UBE3A: variants seen among roughly 807,000 people sequenced by gnomAD.
The protein encoded by UBE3A is ubiquitin-protein ligase E3A.
UBE3A carries 6 observed loss-of-function variants against 83.4 expected under a neutral mutation model. That is an observed-to-expected ratio of 0.07 (90% CI 0.04 to 0.14). UBE3A has a LOEUF of 0.14. UBE3A is among the 10% of genes least tolerant of loss of function. The pLI, the probability that UBE3A is intolerant of heterozygous loss-of-function variation, is 1.00. For synonymous variants in UBE3A, 337 were observed against 355.4 expected, an observed-to-expected ratio of 0.95 and a Z score of 0.58; for missense variants, 456 against 1,036.1, an observed-to-expected ratio of 0.44 and a Z score of 7.69.
intron 4 of UBE3A, among the ~76,000 whole-genome samples, chr15:25,401,037 T>C (rs1440455521): frequency 6.6e-6 from 1 of 152,190 alleles, no homozygotes; most frequent in East Asian, 1.9e-4. Flanking sequence ...AAATGCTTTT[T>C]CTCAATTATC....
chr15:25,379,017 C>G (rs2081703353), intron 4 of UBE3A, among the ~76,000 whole-genome samples: 1 of 152,176 alleles, frequency 6.6e-6, no homozygotes, highest in Non-Finnish European at 1.5e-5. Flanking sequence ...TGCCCAAGTT[C>G]ACATAATGGC....
intron 1 of UBE3A, among the ~76,000 whole-genome samples, chr15:25,417,078 T>C (rs866177733): frequency 5.9e-5 from 9 of 152,144 alleles, no homozygotes; most frequent in African/African-American, 2.2e-4. Context: ...CTGTACACGA[T>C]TAAGGTAAGT....
chr15:25,407,075 C>T (rs1480397030), intron 3 of UBE3A: 2 of 1,349,912 alleles, frequency 1.5e-6, no homozygotes, highest in Non-Finnish European at 2.0e-6. Flanking sequence ...ACCTGGTCTC[C>T]ACCAGCCTTG....
chr15:25,412,380 T>C (rs926195618), intron 1 of UBE3A, among the ~76,000 whole-genome samples: 2 of 152,220 alleles, frequency 1.3e-5, no homozygotes, highest in Admixed American at 1.3e-4. Flanking sequence ...TCTGGGCATC[T>C]ACCACTTTCT....
At chr15:25,408,945 G>C (rs952727149) in intron 3 of UBE3A, 143 bp downstream of exon 3, 1 of 865,958 alleles carries the variant, frequency 1.2e-6, no homozygotes, top group East Asian at 2.7e-5. Context: ...AATATTTTAA[G>C]GAGATTAAAT....
At chr15:25,419,986 C>T (rs1384174957) in intron 1 of UBE3A, among the ~76,000 whole-genome samples, 1 of 151,888 alleles carries the variant, frequency 6.6e-6, no homozygotes. Flanking sequence ...AAAGATTAGA[C>T]AAATAGAAAA....
At chr15:25,405,322 G>T in intron 4 of UBE3A, 139 bp downstream of exon 4, 2 of 942,762 alleles carry the variant, frequency 2.1e-6, no homozygotes, top group Non-Finnish European at 3.4e-6. Context: ...AAAAAAAGTA[G>T]GTATGTTCCT....
chr15:25,343,359 C>A (rs187142772), intron 11 of UBE3A, among the ~76,000 whole-genome samples: 3 of 152,182 alleles, frequency 2.0e-5, no homozygotes, highest in African/African-American at 7.2e-5. Flanking sequence ...GAGAATGCAG[C>A]AGCAGACAAG....
At chr15:25,354,258 T>C in intron 11 of UBE3A, 95 bp downstream of exon 11, 1 of 1,080,170 alleles carries the variant, frequency 9.3e-7, no homozygotes, top group South Asian at 1.3e-5. Flanking sequence ...TGAGTTTGCT[T>C]ATTTGGGAAT....
chr15:25,437,793 A>C (rs1895555163), intron 1 of UBE3A, among the ~76,000 whole-genome samples: 1 of 152,170 alleles, frequency 6.6e-6, no homozygotes, highest in Non-Finnish European at 1.5e-5. Flanking sequence ...ACCTTTACCA[A>C]CAAAAGCCTT....
At chr15:25,408,640 C>G (rs959932886) in intron 3 of UBE3A, 10 of 1,613,684 alleles carry the variant, frequency 6.2e-6, no homozygotes, top group Non-Finnish European at 8.5e-6. Flanking sequence ...ACTGGTGCAG[C>G]TTCTCCATCC....
chr15:25,396,060 G>T (rs1052103748), intron 4 of UBE3A, among the ~76,000 whole-genome samples: 1 of 151,814 alleles, frequency 6.6e-6, no homozygotes, highest in African/African-American at 2.4e-5. Flanking sequence ...AAATTAGCCA[G>T]GCATGGTGGC....
At chr15:25,361,956 G>A (rs962732802) in intron 6 of UBE3A, among the ~76,000 whole-genome samples, 5 of 152,218 alleles carry the variant, frequency 3.3e-5, no homozygotes, top group South Asian at 4.1e-4. Context: ...ATAAATTAAC[G>A]CATCAGGTCA....
In UBE3A at chr15:25,338,194, CTT is replaced by C. The variant is rs1341975746; in HGVS notation, c.*941_*942del. On this transcript the variant is annotated 3_prime_UTR_variant, in exon 13 of 13. Transcript: ENST00000648336. ...AGTAAGTAATTAATAAAAACTCTAT[CTT>C]AAGTGCACTTTCACATGCTTTTTGT... The C allele has an allele frequency of 1.3e-5, 2 of 152,076 alleles. No homozygotes were observed. The highest frequency in any genetic ancestry group is 2.9e-5 in the Non-Finnish European group (2 of 67,964). The allele number at this position is 152,076 out of a possible 1,614,324, so 9.4% of individuals were successfully genotyped here.
intron 1 of UBE3A, chr15:25,419,266 TAAC>T (rs897187366): frequency 3.9e-5 from 6 of 152,242 alleles, no homozygotes; most frequent in African/African-American, 1.4e-4. Flanking sequence ...TGTGGTATAC[TAAC>T]AACTGCAACT....
chr15:25,406,749 G>C (rs560932976), intron 3 of UBE3A, among the ~76,000 whole-genome samples: 1 of 146,874 alleles, frequency 6.8e-6, no homozygotes, highest in Admixed American at 7.0e-5. Context: ...AAATTTCTTA[G>C]CTAAAAACAA....
At chr15:25,374,480 C>A (rs1043967865) in intron 5 of UBE3A, 5 of 152,212 alleles carry the variant, frequency 3.3e-5, no homozygotes, top group African/African-American at 1.2e-4. Context: ...TATATACAGA[C>A]AACATTTACC....
At chr15:25,437,973 G>A (rs1895649872) in intron 1 of UBE3A, 1 of 152,322 alleles carries the variant, frequency 6.6e-6, no homozygotes, top group Admixed American at 6.5e-5. Flanking sequence ...AGAGTAACCT[G>A]TGCGCACAAC....
intron 11 of UBE3A, among the ~76,000 whole-genome samples, chr15:25,350,532 T>C (rs186584095): frequency 1.3e-5 from 2 of 152,228 alleles, no homozygotes; most frequent in East Asian, 3.9e-4. Flanking sequence ...AAATCCAATA[T>C]TAAAAATGAG....
Sources: gnomAD v4.1 joint callset for allele counts (sites outside exome capture counted in the v4.1 genomes callset) on GRCh38, gnomAD v4.1.1 for gene constraint, MANE v1.5 for transcripts, NCBI Gene and HGNC (gene_info 2026-07-23, HGNC 2026-07-21) for gene names.